Variants in OTUD4 observed in about 807,000 individuals in gnomAD.
OTUD4 encodes OTU deubiquitinase 4.
In OTUD4, 24 loss-of-function variants were observed where a neutral mutation model predicts 130.4. That is an observed-to-expected ratio of 0.18 (90% CI 0.13 to 0.26). OTUD4 has a LOEUF of 0.26. OTUD4 is among the 10% of genes least tolerant of loss of function. OTUD4 has a pLI of 1.00. For synonymous variants in OTUD4, 420 were observed against 472.5 expected (o/e 0.89, Z 1.44); for missense variants, 1,031 against 1,329.4 (o/e 0.78, Z 3.49).
intron 6 of OTUD4, among the ~76,000 whole-genome samples, chr4:145,160,081 C>T (rs1204121599): frequency 1.3e-5 from 2 of 152,102 alleles, no homozygotes; most frequent in African/African-American, 2.4e-5. Flanking sequence ...ATACAACATG[C>T]CCAATCTTAA....
intron 3 of OTUD4, among the ~76,000 whole-genome samples, chr4:145,168,328 T>C (rs1296400625): frequency 2.0e-5 from 3 of 148,218 alleles, no homozygotes; most frequent in Non-Finnish European, 4.4e-5. Context: ...TTCAGTGAGC[T>C]GAGATCATGC....
intron 10 of OTUD4, among the ~76,000 whole-genome samples, chr4:145,153,085 CA>C (rs531146326): frequency 7.2e-5 from 11 of 152,228 alleles, no homozygotes; most frequent in African/African-American, 2.2e-4. Context: ...TCAGTAAAAA[CA>C]AAATAAGTTC....
At chr4:145,179,507 C>T (rs1242203323) in intron 1 of OTUD4, 3 of 751,640 alleles carry the variant, frequency 4.0e-6, no homozygotes, top group Non-Finnish European at 5.2e-6. Context: ...AATATCATGT[C>T]GCCAGGTCCC....
intron 19 of OTUD4, among the ~76,000 whole-genome samples, chr4:145,140,961 C>G (rs755950146): frequency 2.0e-5 from 3 of 151,830 alleles, no homozygotes; most frequent in Non-Finnish European, 4.4e-5. Context: ...GTCGGGAGAT[C>G]GAGACCATCC....
chr4:145,147,970 TCA>T (rs1227041023), intron 13 of OTUD4, among the ~76,000 whole-genome samples: 1 of 152,168 alleles, frequency 6.6e-6, no homozygotes, highest in Non-Finnish European at 1.5e-5. Flanking sequence ...TAAAATTCAC[TCA>T]CACACACAAT....
At position 145,142,292 on chromosome 4, in the gene OTUD4, G is replaced by C; in HGVS notation, c.1726C>G (p.Leu576Val). ...GTTAGATGTACCTCTGGAGAAACTA[G>C]AAGGGGAGCTGGATTTGACAAAGAC... is the stretch of plus-strand genomic sequence containing the variant. ...HVSLSNPAPL[L>V]VSPEVHLTPA... Residue 576 changes from leucine to valine, a missense_variant, in exon 18 of 21, where the codon CTA (leucine) becomes GTA (valine). Coordinates refer to ENST00000447906, the MANE Select transcript of OTUD4 (RefSeq NM_001366057.1). 6.2e-7 allele frequency: 1 copy of C among 1,613,958 alleles called. No homozygotes were observed. The highest frequency in any genetic ancestry group is 8.5e-7 in the Non-Finnish European group (1 of 1,179,810).
chr4:145,147,542 T>G (rs898243041), intron 13 of OTUD4, among the ~76,000 whole-genome samples: 1 of 152,198 alleles, frequency 6.6e-6, no homozygotes, highest in Non-Finnish European at 1.5e-5. Context: ...GGCCTTCATC[T>G]CATCCTCACC....
At chr4:145,174,539 A>G (rs977052351) in intron 2 of OTUD4, 122 bp downstream of exon 2, 39 of 605,666 alleles carry the variant, frequency 6.4e-5, no homozygotes, top group Admixed American at 1.1e-4. Context: ...AGTTTTTTTA[A>G]TAAGTGTTAT....
At chr4:145,176,698 CA>C (rs1025486628) in intron 1 of OTUD4, among the ~76,000 whole-genome samples, 28 of 144,380 alleles carry the variant, frequency 1.9e-4, no homozygotes, top group Admixed American at 2.7e-4. Context: ...GACTCTGTCT[CA>C]AAAAAAAAAA....
At chr4:145,157,866 CCTGCCAA>C (rs1381552654) in intron 7 of OTUD4, among the ~76,000 whole-genome samples, 1 of 152,106 alleles carries the variant, frequency 6.6e-6, no homozygotes, top group Non-Finnish European at 1.5e-5. Context: ...CTATACTTCA[CCTGCCAA>C]CTGCCATACA....
In OTUD4 at chr4:145,180,039, C is replaced by T; in HGVS notation, c.-66G>A. ...CCCCACATGGCCAGGCCGCCGGCTG[C>T]TCGACGCCCCGGCCTGGGGCAGGCG... On this transcript the variant is annotated 5_prime_UTR_variant, in exon 1 of 21. Coordinates refer to ENST00000447906, the MANE Select transcript of OTUD4 (RefSeq NM_001366057.1). 1 of 1,249,284 alleles carries T rather than the reference C, an allele frequency of 8.0e-7. No individual in the cohort carries two copies. The highest frequency in any genetic ancestry group is 1.0e-6 in the Non-Finnish European group (1 of 994,462). 77.4% of individuals were successfully genotyped at this position (1,249,284 alleles called of 1,614,324 possible).
chr4:145,168,411 AT>A (rs1554000999), intron 3 of OTUD4, among the ~76,000 whole-genome samples: 1 of 32,626 alleles, frequency 3.1e-5, no homozygotes, highest in Admixed American at 5.1e-4. Context: ...AAAATAAAAA[AT>A]TAAAAAAAAA....
chr4:145,171,766 A>G (rs760780241), intron 2 of OTUD4, 46 bp from the exon 3 acceptor site: 1 of 864,360 alleles, frequency 1.2e-6, no homozygotes, highest in South Asian at 1.4e-5. Context: ...CATATATGCC[A>G]AAACAGTTAA....
intron 18 of OTUD4, among the ~76,000 whole-genome samples, 184 bp downstream of exon 18, chr4:145,142,012 A>C (rs549181021): frequency 6.6e-6 from 1 of 152,340 alleles, no homozygotes; most frequent in East Asian, 1.9e-4. Context: ...ATGTCAGATG[A>C]ATACAACACC....
At chr4:145,146,923 A>G (rs1560981808) in intron 13 of OTUD4, among the ~76,000 whole-genome samples, 1 of 152,190 alleles carries the variant, frequency 6.6e-6, no homozygotes, top group Non-Finnish European at 1.5e-5. Flanking sequence ...TGTTTATGAC[A>G]CCACCAAGGG....
intron 2 of OTUD4, among the ~76,000 whole-genome samples, chr4:145,173,469 C>T (rs903367430): frequency 6.6e-6 from 1 of 152,176 alleles, no homozygotes; most frequent in Non-Finnish European, 1.5e-5. Context: ...AGCACCTCAA[C>T]CAATGTTAGC....
chr4:145,176,728 T>C (rs983265485), intron 1 of OTUD4, among the ~76,000 whole-genome samples: 27 of 151,074 alleles, frequency 1.8e-4, no homozygotes, highest in African/African-American at 6.3e-4. Flanking sequence ...TCCAATTGAG[T>C]GGTTCTCCCT....
Position 145,141,428 on chromosome 4 carries a change from G to A in OTUD4, c.2034C>T (p.Ala678=), listed in dbSNP as rs765546129. 3 of 1,613,512 alleles carry A rather than the reference G, an allele frequency of 1.9e-6. No homozygotes were observed. The East Asian group carries it at 6.7e-5, about 36-fold the overall frequency. Residue 678 remains alanine (A), a synonymous_variant, in exon 19 of 21, where the codon GCC becomes GCT. Coordinates refer to ENST00000447906, the MANE Select transcript of OTUD4 (RefSeq NM_001366057.1). ...GACACAGTGAATAAGGTGGTACAAT[G>A]GCTCGATCTCCCTTTTCATTACAAG... ...GFPCNEKGDR[A]IVPPYSLCQT...
intron 1 of OTUD4, among the ~76,000 whole-genome samples, chr4:145,175,445 A>G (rs922424736): frequency 5.3e-5 from 8 of 152,244 alleles, no homozygotes; most frequent in Non-Finnish European, 1.2e-4. Flanking sequence ...CTCACTCTGC[A>G]GTTTACATTT....
Sources: gnomAD v4.1 joint callset for allele counts (sites outside exome capture counted in the v4.1 genomes callset) on GRCh38, gnomAD v4.1.1 for gene constraint, MANE v1.5 for transcripts, NCBI Gene and HGNC (gene_info 2026-07-23, HGNC 2026-07-21) for gene names.